The following SLAIN2 variants were observed in gnomAD, a reference collection of about 807,000 sequenced individuals.
The protein encoded by SLAIN2 is SLAIN motif-containing protein 2.
SLAIN2 carries 31 observed loss-of-function variants against 56.6 expected under a neutral mutation model. That is an observed-to-expected ratio of 0.55 (90% CI 0.41 to 0.74). SLAIN2 has a LOEUF of 0.74. SLAIN2 is among the 30% of genes least tolerant of loss of function. SLAIN2 has a pLI of 0.00. For synonymous variants in SLAIN2, 317 were observed against 284.9 expected (o/e 1.11, Z -1.13); for missense variants, 777 against 754.2 (o/e 1.03, Z -0.35).
chr4:48,383,505 T>A (rs1342357235), intron 5 of SLAIN2, 142 bp from the exon 6 acceptor site: 3 of 792,496 alleles, frequency 3.8e-6, no homozygotes, highest in South Asian at 6.6e-5. Context: ...TTGTTTTTTT[T>A]AATAAGACAA....
chr4:48,382,726 A>AG lies in SLAIN2; in HGVS notation c.1023dup (p.Phe342ValfsTer14). On this transcript the variant is annotated frameshift_variant, in exon 5 of 8. Coordinates refer to ENST00000264313, the MANE Select transcript of SLAIN2 (RefSeq NM_020846.2). LOFTEE classifies it high-confidence loss of function. ...TCATGCAGTATACCCTGCTGTTAACAGGTTTTCACCATCACCACGCAATTC... is the reference window on the plus strand; with the variant it reads ...TCATGCAGTATACCCTGCTGTTAACAGGGTTTTCACCATCACCACGCAATTC... The AG allele has an allele frequency of 6.2e-7, 1 of 1,613,788 alleles. No homozygotes were observed. The highest frequency in any genetic ancestry group is 8.5e-7 in the Non-Finnish European group (1 of 1,179,862).
chr4:48,354,559 C>T (rs139200455), intron 1 of SLAIN2, among the ~76,000 whole-genome samples: 31 of 151,946 alleles, frequency 2.0e-4, no homozygotes, highest in African/African-American at 4.1e-4. Flanking sequence ...TTTTGCAGCC[C>T]GGGTTCAAGC....
chr4:48,350,666 T>G (rs751685525), intron 1 of SLAIN2, among the ~76,000 whole-genome samples: 1 of 152,222 alleles, frequency 6.6e-6, no homozygotes, highest in East Asian at 1.9e-4. Flanking sequence ...AAATTACGTC[T>G]TCTGAGATCT....
intron 1 of SLAIN2, among the ~76,000 whole-genome samples, chr4:48,348,650 A>G (rs1276668382): frequency 6.7e-6 from 1 of 149,622 alleles, no homozygotes; most frequent in Non-Finnish European, 1.5e-5. Context: ...AGATCACGCC[A>G]TTATACTCCA....
At chr4:48,408,064 C>T (rs1275639397) in intron 6 of SLAIN2, among the ~76,000 whole-genome samples, 1 of 152,176 alleles carries the variant, frequency 6.6e-6, no homozygotes, top group Non-Finnish European at 1.5e-5. Context: ...GGGCCAGGCA[C>T]AGTAGCTCAT....
At chr4:48,405,698 A>G (rs138435084) in intron 6 of SLAIN2, among the ~76,000 whole-genome samples, 1 of 152,014 alleles carries the variant, frequency 6.6e-6, no homozygotes. Context: ...GCAGTCATTG[A>G]TGTGTAATGC....
intron 6 of SLAIN2, among the ~76,000 whole-genome samples, chr4:48,404,721 CCT>C (rs749415348): frequency 1.2e-4 from 18 of 152,180 alleles, no homozygotes; most frequent in Non-Finnish European, 1.6e-4. Context: ...CTTTCTAAGG[CCT>C]TTGTCTTTCT....
At chr4:48,346,447 A>T (rs906970529) in intron 1 of SLAIN2, among the ~76,000 whole-genome samples, 1 of 152,098 alleles carries the variant, frequency 6.6e-6, no homozygotes, top group African/African-American at 2.4e-5. Flanking sequence ...CTTCTCATCG[A>T]TAACCTTTGT....
At chr4:48,408,286 G>A (rs1032276935) in intron 6 of SLAIN2, among the ~76,000 whole-genome samples, 3 of 151,584 alleles carry the variant, frequency 2.0e-5, no homozygotes, top group Non-Finnish European at 2.9e-5. Flanking sequence ...AGGTGTGATC[G>A]CACCACTTCC....
intron 6 of SLAIN2, among the ~76,000 whole-genome samples, chr4:48,390,376 T>A (rs1407020623): frequency 6.6e-6 from 1 of 152,160 alleles, no homozygotes; most frequent in Non-Finnish European, 1.5e-5. Flanking sequence ...AAATAAAAGA[T>A]TTAAACAAAA....
At chr4:48,371,956 C>CAA (rs939269693) in intron 2 of SLAIN2, among the ~76,000 whole-genome samples, 1 of 142,086 alleles carries the variant, frequency 7.0e-6, no homozygotes, top group Non-Finnish European at 1.5e-5. Flanking sequence ...CAAAACAAAA[C>CAA]AAACAAAAAG....
intron 2 of SLAIN2, 25 bp downstream of exon 2, chr4:48,370,022 A>G (rs1715623505): frequency 6.2e-7 from 1 of 1,606,252 alleles, no homozygotes; most frequent in African/African-American, 1.3e-5. Context: ...TTGCTTGTAA[A>G]TTCATCTCTT....
In SLAIN2 at chr4:48,422,174, T is replaced by C. The variant is rs1452691425; in HGVS notation, c.*97T>C. On this transcript the variant is annotated 3_prime_UTR_variant, in exon 8 of 8. Coordinates refer to ENST00000264313, the MANE Select transcript of SLAIN2 (RefSeq NM_020846.2). ...TATGCAGACTGTTCAGATAAGACTCTTGGGATTTATAAAATCCCAGCCCTC... is the reference window on the plus strand; with the variant it reads ...TATGCAGACTGTTCAGATAAGACTCCTGGGATTTATAAAATCCCAGCCCTC... 8 of 893,788 alleles carry C rather than the reference T, an allele frequency of 9.0e-6. No homozygotes were observed. Among genetic ancestry groups the C allele is most frequent in the African/African-American group, 8.4e-5 (5 of 59,386 alleles). 55.4% of individuals were successfully genotyped at this position (893,788 alleles called of 1,614,324 possible).
intron 1 of SLAIN2, among the ~76,000 whole-genome samples, chr4:48,352,619 G>C (rs758321546): frequency 6.6e-6 from 1 of 152,210 alleles, no homozygotes; most frequent in South Asian, 2.1e-4. Context: ...AATGTCTCCA[G>C]ATGTTGCCAG....
chr4:48,366,669 G>A (rs1186887058), intron 1 of SLAIN2, among the ~76,000 whole-genome samples: 3 of 152,052 alleles, frequency 2.0e-5, no homozygotes, highest in Admixed American at 2.0e-4. Context: ...TTCTTTTGTA[G>A]ACAACGTTTC....
In SLAIN2 at chr4:48,422,177, G is replaced by C; in HGVS notation, c.*100G>C. On this transcript the variant is annotated 3_prime_UTR_variant, in exon 8 of 8. Transcript: ENST00000264313. ...GCAGACTGTTCAGATAAGACTCTTGGGATTTATAAAATCCCAGCCCTCTCT... is the reference window on the plus strand; with the variant it reads ...GCAGACTGTTCAGATAAGACTCTTGCGATTTATAAAATCCCAGCCCTCTCT... 4 of 880,778 alleles carry C rather than the reference G, an allele frequency of 4.5e-6. No homozygotes were observed. The highest frequency in any genetic ancestry group is 7.2e-6 in the Non-Finnish European group (4 of 558,710). 54.6% of individuals were successfully genotyped at this position (880,778 alleles called of 1,614,324 possible). A position where few individuals can be genotyped will look rare whatever the true frequency, so the allele number is the denominator to read the frequency against.
At chr4:48,418,261 A>G (rs1391004975) in intron 6 of SLAIN2, among the ~76,000 whole-genome samples, 3 of 151,402 alleles carry the variant, frequency 2.0e-5, no homozygotes, top group South Asian at 2.1e-4. Flanking sequence ...GATGCATTCA[A>G]TCTTTCTTCA....
intron 1 of SLAIN2, among the ~76,000 whole-genome samples, chr4:48,359,929 G>C (rs1577712309): frequency 6.6e-6 from 1 of 152,338 alleles, no homozygotes; most frequent in African/African-American, 2.4e-5. Context: ...GCTGAGGTGG[G>C]TGGATCACGA....
In SLAIN2 at chr4:48,341,843, C is replaced by T. The variant is rs1450194459; in HGVS notation, c.104C>T (p.Ser35Leu). ...CAGAACGAACAGCTGAGGAGCCGCT[C>T]GGGGGCCGTGCAGGGCGCCGGCTCC... ...EKQNEQLRSR[S>L]GAVQGAGSLG... is the part of the protein sequence containing the mutation. Residue 35 changes from serine to leucine, a missense_variant, in exon 1 of 8, where the codon TCG becomes TTG. By Grantham distance (145) the Ser-to-Leu change is moderately radical (BLOSUM62 -2). Coordinates refer to ENST00000264313, the MANE Select transcript of SLAIN2 (RefSeq NM_020846.2). 1.3e-6 allele frequency: 2 copies of T among 1,526,434 alleles called. No homozygotes were observed. Among genetic ancestry groups the T allele is most frequent in the Non-Finnish European group, 8.8e-7 (1 of 1,137,130 alleles). The allele number at this position is 1,526,434 out of a possible 1,614,324, so 94.6% of individuals were successfully genotyped here.
Sources: gnomAD v4.1 joint callset for allele counts (sites outside exome capture counted in the v4.1 genomes callset) on GRCh38, gnomAD v4.1.1 for gene constraint, MANE v1.5 for transcripts, NCBI Gene and HGNC (gene_info 2026-07-23, HGNC 2026-07-21) for gene names.